ZNF107: variants seen among roughly 807,000 people sequenced by gnomAD.
The protein encoded by ZNF107 is zinc finger protein 107.
ZNF107 carries 19 observed loss-of-function variants against 12.3 expected under a neutral mutation model. The ratio of observed to expected loss-of-function variants is 1.55; its 90% confidence interval spans 1.08 to 2.27. The LOEUF (loss-of-function observed/expected upper bound fraction) is 2.27. ZNF107 is among the 30% of genes most tolerant of loss of function. The pLI is 0.00. For synonymous variants in ZNF107, 317 were observed against 330.5 expected, an observed-to-expected ratio of 0.96 and a Z score of 0.44; for missense variants, 958 against 979.9, an observed-to-expected ratio of 0.98 and a Z score of 0.30.
intron 1 of ZNF107, among the ~76,000 whole-genome samples, chr7:64,666,586 G>C (rs764258874): frequency 3.9e-5 from 6 of 152,210 alleles, no homozygotes; most frequent in Admixed American, 6.5e-5. Flanking sequence ...CCCGCAGCGC[G>C]GCATCTCTCC....
At position 64,691,922 on chromosome 7, in the gene ZNF107, G is replaced by T; in HGVS notation, c.188G>T (p.Trp63Leu). The T allele has an allele frequency of 1.3e-6, 2 of 1,533,516 alleles. No individual in the cohort carries two copies. Among genetic ancestry groups the T allele is most frequent in the South Asian group, 1.2e-5 (1 of 80,950 alleles). 95.0% of individuals were successfully genotyped at this position (1,533,516 alleles called of 1,614,324 possible). A position where few individuals can be genotyped will look rare whatever the true frequency, so the allele number is the denominator to read the frequency against. Residue 63 changes from tryptophan (W) to leucine (L), a missense_variant, in exon 3 of 4, where the codon TGG becomes TTG. Transcript: ENST00000620827. Reference sequence around the variant, plus strand: ...TGTCTGGAGCAAAAAAAAGAGCCCTGGAATATAAAAAGACATGAGATGGTA... The same window carrying T: ...TGTCTGGAGCAAAAAAAAGAGCCCTTGAATATAAAAAGACATGAGATGGTA... ...ITCLEQKKEPWNIKRHEMVAK... is the reference protein window; with the variant it reads ...ITCLEQKKEPLNIKRHEMVAK...
chr7:64,707,299 A>G lies in ZNF107; in HGVS notation c.1202A>G (p.Glu401Gly). The G allele has an allele frequency of 1.9e-6, 3 of 1,613,408 alleles. No individual in the cohort carries two copies. Among genetic ancestry groups the G allele is most frequent in the Non-Finnish European group, 2.5e-6 (3 of 1,179,754 alleles). The part of the protein sequence containing the change: ...LMEEKPYKCE[E>G]CGKVFNQFST... ...GAAGAGAAACCCTACAAATGTGAAG[A>G]ATGTGGCAAAGTCTTTAACCAGTTC... The change falls in exon 4 of 4, where the codon GAA becomes GGA. Residue 401 changes from glutamate to glycine, a missense_variant. Physicochemically the swap from Glu to Gly is moderately conservative, Grantham distance 98 (BLOSUM62 -2). Coordinates refer to ENST00000620827, the MANE Select transcript of ZNF107 (RefSeq NM_001282359.2).
rs140725421 is a variant in ZNF107, at chr7:64,693,388, G to A, written c.226+1428G>A. 2.4e-4 allele frequency among the ~76,000 whole-genome samples: 37 copies of A among 151,458 alleles called. No homozygotes were observed. The East Asian group carries it at 7.2e-3, about 29-fold the overall frequency. On this transcript the variant is annotated intron_variant, in intron 3 of 3. Transcript: ENST00000620827. ...GCTATGATAAAAGCATTGACAATGG[G>A]CACAATATAGTTTTGCACTGGTGTC...
At position 64,678,396 on chromosome 7, in the gene ZNF107, C is replaced by T. The variant is rs375771425; in HGVS notation, c.3+12111C>T. ...CAAAAGCGAGGTTCAGTGTATGAAC[C>T]GAACAGTGGAGTATGTAGTTGTTCT... is the stretch of plus-strand genomic sequence containing the variant. On this transcript the variant is annotated intron_variant, in intron 1 of 3. Coordinates refer to ENST00000620827, the MANE Select transcript of ZNF107 (RefSeq NM_001282359.2). Among the ~76,000 whole-genome samples, 12 of 152,176 alleles carry T rather than the reference C, an allele frequency of 7.9e-5. No homozygotes were observed. In the East Asian group the frequency reaches 1.2e-3, roughly 15 times the overall value.
intron 1 of ZNF107, chr7:64,684,462 C>T: frequency 1.8e-6 from 1 of 551,132 alleles, no homozygotes; most frequent in Non-Finnish European, 2.3e-6. Flanking sequence ...TGGCTGTCTG[C>T]TTACAAGATC....
rs1234634489 is a variant in ZNF107 at position 64,711,014 on chromosome 7, A to G, written c.*2358A>G. On this transcript the variant is annotated 3_prime_UTR_variant, in exon 4 of 4. Transcript: ENST00000620827. ...TTGTACTTTTATGTAATAAAATGCA[A>G]TGTGTTTAAAAATTTTTGGATTATG... 2 of 152,184 alleles carry G rather than the reference A, an allele frequency of 1.3e-5. No homozygotes were observed. Among genetic ancestry groups the G allele is most frequent in the Non-Finnish European group, 2.9e-5 (2 of 67,996 alleles). The allele number at this position is 152,184 out of a possible 1,614,324, so 9.4% of individuals were successfully genotyped here.
At chr7:64,686,233 C>T (rs1425242828) in intron 1 of ZNF107, among the ~76,000 whole-genome samples, 1 of 152,156 alleles carries the variant, frequency 6.6e-6, no homozygotes, top group Non-Finnish European at 1.5e-5. Context: ...TAAAATCAGA[C>T]AATGTCTTTC....
At chr7:64,686,591 GC>G in intron 1 of ZNF107, 1 of 985,356 alleles carries the variant, frequency 1.0e-6, no homozygotes, top group Non-Finnish European at 1.2e-6. Context: ...CTGCATTATT[GC>G]CAGCAGGCCA....
At position 64,709,619 on chromosome 7, in the gene ZNF107, G is replaced by C. The variant is rs1790818019; in HGVS notation, c.*963G>C. ...CATACTGAAGAAAACTCCTGGAAGT[G>C]TAAAAAATGTGGCAACACTTTTAAT... On this transcript the variant is annotated 3_prime_UTR_variant, in exon 4 of 4. Transcript: ENST00000620827. The C allele has an allele frequency of 2.3e-6, 1 of 441,268 alleles. No individual in the cohort carries two copies. Among genetic ancestry groups the C allele is most frequent in the African/African-American group, 2.1e-5 (1 of 48,650 alleles). The allele number at this position is 441,268 out of a possible 1,614,324, so 27.3% of individuals were successfully genotyped here.
rs1206735195 is a variant in ZNF107, at chr7:64,710,449, CAG to C, written c.*1797_*1798del. 2.0e-5 allele frequency: 3 copies of C among 152,144 alleles called. No individual in the cohort carries two copies. Among genetic ancestry groups the C allele is most frequent in the Admixed American group, 2.0e-4 (3 of 15,280 alleles). 9.4% of individuals were successfully genotyped at this position (152,144 alleles called of 1,614,324 possible). On this transcript the variant is annotated 3_prime_UTR_variant, in exon 4 of 4. Coordinates refer to ENST00000620827, the MANE Select transcript of ZNF107 (RefSeq NM_001282359.2). ...TCCAAAATTAAGTCTATATAAATAT[CAG>C]AGAATTCACAGTAGAAATATCTAAG...
rs550544755 is a variant in ZNF107, at chr7:64,681,947, A to G, written c.4-9301A>G. ...CCATTCCCCTACATCCCTCCTCTCAACCTCTTTTTGCCTTCACCTGGACTG... is the reference window on the plus strand; with the variant it reads ...CCATTCCCCTACATCCCTCCTCTCAGCCTCTTTTTGCCTTCACCTGGACTG... On this transcript the variant is annotated intron_variant, in intron 1 of 3. Coordinates refer to ENST00000620827, the MANE Select transcript of ZNF107 (RefSeq NM_001282359.2). 2.6e-5 allele frequency among the ~76,000 whole-genome samples: 4 copies of G among 151,616 alleles called. No individual in the cohort carries two copies. In the South Asian group the frequency reaches 8.4e-4, roughly 32 times the overall value.
chr7:64,689,963 T>C (rs17779736), intron 1 of ZNF107: 52,847 of 152,040 alleles, frequency 0.35, 9,696 homozygotes, highest in Non-Finnish European at 0.4. Context: ...GCAGATAAAC[T>C]AATTGCTACC....
chr7:64,666,289 A>AG lies in ZNF107; in HGVS notation c.3+5dup. The stretch of plus-strand genomic sequence containing the variant: ...ACTCCCTGGAAACCTAGAAATGGTG[A>AG]GAGTGCTGGGTCCGACATCCCGAGA... On this transcript the variant is annotated splice_donor_region_variant and intron_variant, in intron 1 of 3. Transcript: ENST00000620827. The AG allele has an allele frequency of 6.2e-7, 1 of 1,609,878 alleles. No homozygotes were observed. The highest frequency in any genetic ancestry group is 8.5e-7 in the Non-Finnish European group (1 of 1,177,584).
At chr7:64,684,794 T>C (rs1413825205) in intron 1 of ZNF107, 6 of 901,890 alleles carry the variant, frequency 6.7e-6, no homozygotes, top group Non-Finnish European at 8.0e-6. Context: ...ACCTTCCTAC[T>C]CACTCTTTAT....
Position 64,706,453 on chromosome 7 carries a change from A to G in ZNF107, c.356A>G (p.His119Arg), listed in dbSNP as rs1790645451. The change falls in exon 4 of 4, where the codon CAT becomes CGT. Residue 119 changes from histidine to arginine, a missense_variant. His to Arg is a conservative substitution (Grantham distance 29). Coordinates refer to ENST00000620827, the MANE Select transcript of ZNF107 (RefSeq NM_001282359.2). ...ENLQLRKGCK[H>R]VDECTGHKGG... is the part of the protein sequence containing the mutation. ...TTACAGTTAAGAAAAGGCTGTAAAC[A>G]TGTGGATGAGTGTACGGGGCACAAA... 6.2e-7 allele frequency: 1 copy of G among 1,613,790 alleles called. No individual in the cohort carries two copies. The highest frequency in any genetic ancestry group is 1.3e-5 in the African/African-American group (1 of 75,044).
intron 3 of ZNF107, among the ~76,000 whole-genome samples, chr7:64,702,123 T>G (rs971221315): frequency 6.6e-5 from 10 of 151,896 alleles, no homozygotes; most frequent in African/African-American, 1.5e-4. Flanking sequence ...AAATGGAGAT[T>G]ACATAAAACA....
chr7:64,707,929 A>G lies in ZNF107; in HGVS notation c.1832A>G (p.His611Arg). ...AFKQSSHRTI[H>R]KIIHTGEKPY... is the part of the protein sequence containing the mutation. The stretch of plus-strand genomic sequence containing the variant: ...AAACAGTCCTCACACCGTACTATAC[A>G]TAAAATTATTCATACTGGAGAGAAA... The change falls in exon 4 of 4, where the codon CAT becomes CGT. Residue 611 changes from histidine to arginine, a missense_variant. Coordinates refer to ENST00000620827, the MANE Select transcript of ZNF107 (RefSeq NM_001282359.2). 6.2e-7 allele frequency: 1 copy of G among 1,613,590 alleles called. No individual in the cohort carries two copies. The highest frequency in any genetic ancestry group is 1.7e-5 in the Admixed American group (1 of 59,964).
rs372942355 is a variant in ZNF107, at chr7:64,677,649, C to G, written c.3+11364C>G. The stretch of plus-strand genomic sequence containing the variant: ...CGGGCGGATCATGAGATCAGGAGAT[C>G]GAGACCATCCTGGCTAACACGGTGA... On this transcript the variant is annotated intron_variant, in intron 1 of 3. Coordinates refer to ENST00000620827, the MANE Select transcript of ZNF107 (RefSeq NM_001282359.2). Among the ~76,000 whole-genome samples the G allele has an allele frequency of 2.0e-3, 303 of 151,192 alleles. 3 individuals carry two copies. The highest frequency in any genetic ancestry group is 6.5e-3 in the African/African-American group (267 of 41,342).
chr7:64,701,686 C>A (rs2128966733), intron 3 of ZNF107, among the ~76,000 whole-genome samples: 1 of 152,036 alleles, frequency 6.6e-6, no homozygotes, highest in South Asian at 2.1e-4. Context: ...GTGGTGTAAT[C>A]ACAACTCGCT....
Sources: allele counts gnomAD v4.1 joint callset (sites outside exome capture counted in the v4.1 genomes callset), GRCh38; gene constraint gnomAD v4.1.1; transcripts MANE v1.5; gene names NCBI Gene and HGNC (gene_info 2026-07-23, HGNC 2026-07-21).